Variants in TMEM131 observed in about 807,000 individuals in gnomAD.
TMEM131 encodes transmembrane protein 131.
In TMEM131, 66 loss-of-function variants were observed where a neutral mutation model predicts 211.6. That is an observed-to-expected ratio of 0.31 (90% CI 0.26 to 0.38). TMEM131 has a LOEUF of 0.38. Among genes scored for constraint, TMEM131 ranks in the 10% least tolerant of loss-of-function variants. The pLI is 1.00. For synonymous variants in TMEM131, 844 were observed against 841.3 expected (o/e 1.00, Z -0.06); for missense variants, 2,036 against 2,299.3 (o/e 0.89, Z 2.34).
At chr2:97,911,891 T>A (rs1676306735) in intron 2 of TMEM131, among the ~76,000 whole-genome samples, 1 of 152,162 alleles carries the variant, frequency 6.6e-6, no homozygotes, top group Admixed American at 6.6e-5. Context: ...CTTAAAAGTA[T>A]ATCTGAAAAT....
chr2:97,825,716 C>T (rs959814437), intron 11 of TMEM131, among the ~76,000 whole-genome samples: 2 of 152,176 alleles, frequency 1.3e-5, no homozygotes, highest in African/African-American at 4.8e-5. Flanking sequence ...TACTCAGACT[C>T]GTGGGACAAC....
chr2:97,799,409 T>C (rs1378141461), intron 25 of TMEM131, among the ~76,000 whole-genome samples: 1 of 152,368 alleles, frequency 6.6e-6, no homozygotes, highest in South Asian at 2.1e-4. Context: ...CTGTTTGAGA[T>C]GGAAGCTGAA....
chr2:97,931,431 T>C (rs1677213022), intron 1 of TMEM131, among the ~76,000 whole-genome samples: 1 of 152,240 alleles, frequency 6.6e-6, no homozygotes, highest in South Asian at 2.1e-4. Flanking sequence ...TAAAAATATC[T>C]TTCACTTTAA....
chr2:97,933,485 T>A (rs186118175), intron 1 of TMEM131, among the ~76,000 whole-genome samples: 2 of 151,512 alleles, frequency 1.3e-5, no homozygotes, highest in Non-Finnish European at 2.9e-5. Context: ...AAGTGAGGAG[T>A]TGTGGCTTAA....
At chr2:97,841,691 C>T in intron 7 of TMEM131, 124 bp downstream of exon 7, 1 of 1,144,354 alleles carries the variant, frequency 8.7e-7, no homozygotes, top group Non-Finnish European at 1.1e-6. Context: ...TAATACCCCT[C>T]TCAATACACT....
At chr2:97,946,569 T>G (rs1406880449) in intron 1 of TMEM131, among the ~76,000 whole-genome samples, 2 of 152,018 alleles carry the variant, frequency 1.3e-5, no homozygotes, top group Non-Finnish European at 2.9e-5. Context: ...TAGGCTTATA[T>G]GTACTTAAGA....
chr2:97,792,827 C>T lies in TMEM131; in HGVS notation c.3703G>A (p.Val1235Ile), dbSNP rs755211459. The T allele has an allele frequency of 6.2e-6, 10 of 1,613,946 alleles. No individual in the cohort carries two copies. The East Asian group carries it at 6.7e-5, about 11-fold the overall frequency. The change falls in exon 31 of 41, where the codon GTC becomes ATC. Residue 1235 changes from valine (V) to isoleucine (I), a missense_variant. Val to Ile is a conservative substitution (Grantham distance 29). Transcript: ENST00000186436. ...SNRNSADVEN[V>I]RAKNSSSTSS... ...GTACTTGAACTGTTTTTGGCTCTGA[C>T]GTTTTCCACGTCAGCTGAGTTTCTA...
At chr2:97,758,710 A>C (rs571494618) in intron 40 of TMEM131, among the ~76,000 whole-genome samples, 183 bp downstream of exon 40, 1 of 152,404 alleles carries the variant, frequency 6.6e-6, no homozygotes, top group African/African-American at 2.4e-5. Context: ...TCTGAAGAAC[A>C]TCGATCAGTC....
chr2:97,822,446 G>A (rs762583449), intron 11 of TMEM131, among the ~76,000 whole-genome samples: 8 of 152,142 alleles, frequency 5.3e-5, no homozygotes, highest in Non-Finnish European at 8.8e-5. Flanking sequence ...CTCAGGGTAC[G>A]GCCCTCCACT....
intron 35 of TMEM131, chr2:97,763,527 C>T (rs528476573): frequency 1.3e-5 from 2 of 152,628 alleles, no homozygotes; most frequent in Admixed American, 6.5e-5. Flanking sequence ...CACCGCTCTC[C>T]CATACGAGCC....
intron 3 of TMEM131, 147 bp from the exon 4 acceptor site, chr2:97,888,267 T>C: frequency 1.8e-6 from 1 of 566,458 alleles, no homozygotes; most frequent in South Asian, 2.9e-5. Context: ...GCGTCACTTT[T>C]TAAATTAGCA....
intron 1 of TMEM131, among the ~76,000 whole-genome samples, chr2:97,983,096 T>G (rs1024865762): frequency 1.3e-5 from 2 of 152,248 alleles, no homozygotes; most frequent in Non-Finnish European, 2.9e-5. Context: ...GGGTTGCCTT[T>G]GCTCACTAGA....
chr2:97,871,763 G>T (rs2105225044), intron 4 of TMEM131, among the ~76,000 whole-genome samples: 1 of 152,268 alleles, frequency 6.6e-6, no homozygotes, highest in South Asian at 2.1e-4. Flanking sequence ...ACTGATTTGA[G>T]TAATAACTCT....
At chr2:97,827,296 C>A (rs1488226531) in intron 11 of TMEM131, 3 of 784,812 alleles carry the variant, frequency 3.8e-6, no homozygotes, top group Middle Eastern at 4.5e-4. Flanking sequence ...CAAGGAAGAG[C>A]CCAAGAGGAG....
Position 97,908,672 on chromosome 2 carries a change from T to C in TMEM131, c.276A>G (p.Ser92=), listed in dbSNP as rs1477773074. The change falls in exon 3 of 41, where the codon TCA becomes TCG. Residue 92 remains serine, a synonymous_variant. Coordinates refer to ENST00000186436, the MANE Select transcript of TMEM131 (RefSeq NM_015348.2). The stretch of plus-strand genomic sequence containing the variant: ...AATATACTTACCTTTTCTGCTGATA[T>C]GAACTGAGTCCAAGTGTTGTCTCGG... ...LQTETTLGLS[S]YQQKSISLYR... is the part of the protein sequence containing the mutation. 1.9e-6 allele frequency: 3 copies of C among 1,606,512 alleles called. No individual in the cohort carries two copies. The highest frequency in any genetic ancestry group is 1.1e-5 in the South Asian group (1 of 90,230).
At chr2:97,921,229 T>C (rs1676728208) in intron 2 of TMEM131, among the ~76,000 whole-genome samples, 1 of 152,132 alleles carries the variant, frequency 6.6e-6, no homozygotes, top group African/African-American at 2.4e-5. Flanking sequence ...ACTTGATTTA[T>C]GAATAAGGTG....
At chr2:97,775,286 C>T (rs921819612) in intron 32 of TMEM131, among the ~76,000 whole-genome samples, 5 of 152,278 alleles carry the variant, frequency 3.3e-5, no homozygotes, top group African/African-American at 1.2e-4. Context: ...TCTTGGCGTG[C>T]TGATGTGTCC....
intron 30 of TMEM131, 55 bp from the exon 31 acceptor site, chr2:97,793,039 TA>T (rs1212278882): frequency 3.7e-5 from 48 of 1,300,276 alleles, no homozygotes; most frequent in Non-Finnish European, 4.5e-5. Context: ...AATCTAATAT[TA>T]AAAAAAAACT....
intron 35 of TMEM131, 50 bp from the exon 36 acceptor site, chr2:97,762,250 C>T: frequency 6.4e-7 from 1 of 1,573,458 alleles, no homozygotes; most frequent in Non-Finnish European, 8.7e-7. Context: ...TTGATTAGCG[C>T]TCTTCCAAAT....
Sources: allele counts gnomAD v4.1 joint callset (sites outside exome capture counted in the v4.1 genomes callset), GRCh38; gene constraint gnomAD v4.1.1; transcripts MANE v1.5; gene names NCBI Gene and HGNC (gene_info 2026-07-23, HGNC 2026-07-21).